ZNF277: variants seen among roughly 807,000 people sequenced by gnomAD.
ZNF277 encodes zinc finger protein 277, also known as nuclear receptor-interacting factor 4.
In ZNF277, 55 loss-of-function variants were observed where a neutral mutation model predicts 60.7. That is an observed-to-expected ratio of 0.91 (90% CI 0.73 to 1.13). The LOEUF (loss-of-function observed/expected upper bound fraction) is 1.13. Among genes scored for constraint, ZNF277 ranks in the 50% most tolerant of loss-of-function variants. The pLI, the probability that ZNF277 is intolerant of heterozygous loss-of-function variation, is 0.00. For synonymous variants in ZNF277, 178 were observed against 179.3 expected (o/e 0.99, Z 0.06); for missense variants, 510 against 523.0 (o/e 0.98, Z 0.24).
chr7:112,224,424 AC>A (rs1315365980), intron 1 of ZNF277, among the ~76,000 whole-genome samples: 1 of 152,264 alleles, frequency 6.6e-6, no homozygotes, highest in African/African-American at 2.4e-5. Context: ...TGAGGAAACA[AC>A]ACCTCAGTAT....
intron 1 of ZNF277, among the ~76,000 whole-genome samples, chr7:112,286,117 T>C (rs1792057774): frequency 6.6e-6 from 1 of 152,154 alleles, no homozygotes; most frequent in Admixed American, 6.5e-5. Context: ...AGACATAGAC[T>C]TTACACATAC....
intron 2 of ZNF277, 115 bp from the exon 3 acceptor site, chr7:112,295,754 G>A: frequency 1.3e-6 from 1 of 767,024 alleles, no homozygotes; most frequent in Non-Finnish European, 2.1e-6. Context: ...GCAGTTTTAA[G>A]TTAACATTTG....
intron 1 of ZNF277, among the ~76,000 whole-genome samples, chr7:112,270,410 G>C (rs1040168579): frequency 6.6e-6 from 1 of 152,072 alleles, no homozygotes; most frequent in African/African-American, 2.4e-5. Context: ...GAAGGACTTA[G>C]AATTTTCAGG....
chr7:112,279,704 A>G (rs374292128), intron 1 of ZNF277, among the ~76,000 whole-genome samples: 98 of 152,318 alleles, frequency 6.4e-4, no homozygotes, highest in African/African-American at 2.2e-3. Flanking sequence ...AGAACATAAC[A>G]GTCAATTCAC....
chr7:112,311,430 G>T (rs1792730509), intron 4 of ZNF277, among the ~76,000 whole-genome samples: 1 of 152,006 alleles, frequency 6.6e-6, no homozygotes, highest in Admixed American at 6.6e-5. Context: ...TTCTTTGAGA[G>T]GCTCAAATGT....
In ZNF277 at chr7:112,343,460, A is replaced by G. The variant is rs1472626507; in HGVS notation, c.*731A>G. Among the ~76,000 whole-genome samples, 1 of 152,152 alleles carries G rather than the reference A, an allele frequency of 6.6e-6. No homozygotes were observed. The highest frequency in any genetic ancestry group is 1.5e-5 in the Non-Finnish European group (1 of 68,028). On this transcript the variant is annotated 3_prime_UTR_variant, in exon 12 of 12. Coordinates refer to ENST00000361822, the MANE Select transcript of ZNF277 (RefSeq NM_021994.3). ...AAAACATTAACATTAACTTAATATCATCTGTTTTCAGTTTTTCCCACTTGT... is the reference window on the plus strand; with the variant it reads ...AAAACATTAACATTAACTTAATATCGTCTGTTTTCAGTTTTTCCCACTTGT...
intron 1 of ZNF277, among the ~76,000 whole-genome samples, chr7:112,242,557 C>CAAAAAAAAAA (rs34058145): frequency 2.0e-5 from 2 of 99,490 alleles, no homozygotes; most frequent in Non-Finnish European, 4.3e-5. Context: ...TAATAGCTAC[C>CAAAAAAAAAA]AAAAAAAAAA....
chr7:112,303,722 G>A (rs1332021589), intron 4 of ZNF277, among the ~76,000 whole-genome samples: 7 of 151,750 alleles, frequency 4.6e-5, no homozygotes, highest in South Asian at 2.1e-4. Context: ...TATTTTGTAC[G>A]TCTACCTTTT....
intron 1 of ZNF277, among the ~76,000 whole-genome samples, chr7:112,231,381 A>G (rs1274464481): frequency 2.6e-5 from 4 of 152,198 alleles, no homozygotes; most frequent in African/African-American, 9.7e-5. Flanking sequence ...TTGAAAACTT[A>G]CATTCATATC....
At chr7:112,337,340 C>A (rs578262017) in intron 8 of ZNF277, among the ~76,000 whole-genome samples, 1 of 152,330 alleles carries the variant, frequency 6.6e-6, no homozygotes, top group African/African-American at 2.4e-5. Flanking sequence ...ACATTCCCGG[C>A]ATCACACCTC....
intron 2 of ZNF277, chr7:112,287,437 T>C (rs1390118135): frequency 2.5e-5 from 4 of 162,056 alleles, no homozygotes; most frequent in Non-Finnish European, 5.3e-5. Flanking sequence ...TATAAAATAA[T>C]TCCCATACAA....
intron 4 of ZNF277, among the ~76,000 whole-genome samples, chr7:112,306,351 G>T (rs1036986605): frequency 6.6e-6 from 1 of 151,592 alleles, no homozygotes; most frequent in Non-Finnish European, 1.5e-5. Flanking sequence ...AGTAGCTGGG[G>T]TTACAGGCAT....
intron 1 of ZNF277, among the ~76,000 whole-genome samples, chr7:112,234,381 C>T (rs1390304955): frequency 6.6e-6 from 1 of 152,100 alleles, no homozygotes; most frequent in African/African-American, 2.4e-5. Flanking sequence ...CTGATGAGGG[C>T]ATAGTTCATT....
At position 112,296,225 on chromosome 7, in the gene ZNF277, A is replaced by G; in HGVS notation, c.383-4A>G. 1.3e-6 allele frequency: 2 copies of G among 1,552,492 alleles called. No individual in the cohort carries two copies. The highest frequency in any genetic ancestry group is 2.3e-5 in the East Asian group (1 of 44,332). On this transcript the variant is annotated splice_polypyrimidine_tract_variant and splice_region_variant and intron_variant, in intron 3 of 11. Transcript: ENST00000361822. ...TCTTATTTGTTTTCCTAATCTCTCAACAGAAGAACAAGAGAATTATTTTTT... is the reference window on the plus strand; with the variant it reads ...TCTTATTTGTTTTCCTAATCTCTCAGCAGAAGAACAAGAGAATTATTTTTT...
At chr7:112,314,613 G>A (rs755146365) in intron 4 of ZNF277, among the ~76,000 whole-genome samples, 15 of 152,040 alleles carry the variant, frequency 9.9e-5, no homozygotes, top group Non-Finnish European at 2.1e-4. Flanking sequence ...GGGCAAGATG[G>A]AGAAACCCTG....
intron 1 of ZNF277, among the ~76,000 whole-genome samples, chr7:112,208,742 G>A (rs1380105299): frequency 1.5e-5 from 2 of 135,780 alleles, no homozygotes; most frequent in Non-Finnish European, 3.1e-5. Context: ...GTGCAGTGGC[G>A]CGATCTCGGC....
intron 1 of ZNF277, among the ~76,000 whole-genome samples, chr7:112,260,060 A>C (rs1197095376): frequency 6.6e-6 from 1 of 152,166 alleles, no homozygotes; most frequent in Non-Finnish European, 1.5e-5. Context: ...TGAGTCCAGG[A>C]GTTGGAGACC....
intron 1 of ZNF277, among the ~76,000 whole-genome samples, chr7:112,253,543 C>A (rs1478000707): frequency 6.6e-6 from 1 of 152,070 alleles, no homozygotes; most frequent in African/African-American, 2.4e-5. Context: ...TTTCTCCATT[C>A]CTCATCTCCT....
chr7:112,316,235 T>C (rs1180726561), intron 4 of ZNF277, among the ~76,000 whole-genome samples: 1 of 152,074 alleles, frequency 6.6e-6, no homozygotes, highest in Admixed American at 6.6e-5. Context: ...TTAGTAGAAA[T>C]AGAATATATT....
Sources: gnomAD v4.1 joint callset for allele counts (sites outside exome capture counted in the v4.1 genomes callset) on GRCh38, gnomAD v4.1.1 for gene constraint, MANE v1.5 for transcripts, NCBI Gene and HGNC (gene_info 2026-07-23, HGNC 2026-07-21) for gene names.